PCDH15: variants seen among roughly 807,000 people sequenced by gnomAD.
PCDH15 encodes the protein protocadherin-15.
PCDH15 carries 129 observed loss-of-function variants against 178.5 expected under a neutral mutation model. The observed-to-expected ratio is 0.72, with a 90% CI of 0.63 to 0.84. The LOEUF (loss-of-function observed/expected upper bound fraction) is 0.84. Ranked by LOEUF, PCDH15 falls within the 40% of genes least tolerant of loss-of-function variation. The pLI, the probability that PCDH15 is intolerant of heterozygous loss-of-function variation, is 0.00. For synonymous variants in PCDH15, 800 were observed against 732.0 expected (o/e 1.09, Z -1.50); for missense variants, 2,230 against 2,099.9 (o/e 1.06, Z -1.21).
intron 2 of PCDH15, among the ~76,000 whole-genome samples, chr10:55,468,057 T>C (rs999094492): frequency 6.8e-6 from 1 of 147,506 alleles, no homozygotes; most frequent in Non-Finnish European, 1.5e-5. Context: ...ACTGAGAGAA[T>C]CATATCCTCA....
chr10:55,544,056 G>A (rs1358637379), intron 2 of PCDH15, among the ~76,000 whole-genome samples: 5 of 147,200 alleles, frequency 3.4e-5, no homozygotes, highest in Admixed American at 2.1e-4. Flanking sequence ...CTGATTAAAC[G>A]CCATTTATTC....
intron 2 of PCDH15, among the ~76,000 whole-genome samples, chr10:55,372,450 C>T (rs1198954126): frequency 6.6e-6 from 1 of 151,952 alleles, no homozygotes; most frequent in Admixed American, 6.6e-5. Context: ...AATCAAAAAA[C>T]CAAAGGATAT....
chr10:54,350,090 T>C (rs1185775693), intron 5 of PCDH15, among the ~76,000 whole-genome samples: 2 of 152,226 alleles, frequency 1.3e-5, no homozygotes, highest in African/African-American at 4.8e-5. Flanking sequence ...ATATAAAGGT[T>C]ATGAATCATC....
chr10:54,430,738 C>T (rs1347724832), intron 3 of PCDH15, among the ~76,000 whole-genome samples: 1 of 151,376 alleles, frequency 6.6e-6, no homozygotes, highest in African/African-American at 2.4e-5. Flanking sequence ...CGCAAAATTA[C>T]TTGTAGAAGA....
intron 2 of PCDH15, among the ~76,000 whole-genome samples, chr10:54,562,950 T>C (rs1049947799): frequency 1.3e-5 from 2 of 152,162 alleles, no homozygotes; most frequent in African/African-American, 2.4e-5. Context: ...TGAACTCTAA[T>C]GTTTGTTGGA....
At chr10:54,595,099 G>T (rs1178203846) in intron 2 of PCDH15, among the ~76,000 whole-genome samples, 1 of 152,172 alleles carries the variant, frequency 6.6e-6, no homozygotes, top group Non-Finnish European at 1.5e-5. Context: ...CCCACATGGA[G>T]GCTGTCATCT....
At chr10:54,330,780 C>A (rs1393080567) in intron 6 of PCDH15, among the ~76,000 whole-genome samples, 1 of 151,816 alleles carries the variant, frequency 6.6e-6, no homozygotes, top group African/African-American at 2.4e-5. Flanking sequence ...TTAAGAAGAC[C>A]TTATGTCACT....
At chr10:54,260,515 A>G (rs2057237583) in intron 8 of PCDH15, among the ~76,000 whole-genome samples, 2 of 151,846 alleles carry the variant, frequency 1.3e-5, no homozygotes. Context: ...AATGATTTAT[A>G]TAGTCTTTAA....
chr10:54,226,149 G>GA (rs1224740391), intron 9 of PCDH15, among the ~76,000 whole-genome samples: 9 of 152,132 alleles, frequency 5.9e-5, no homozygotes, highest in Non-Finnish European at 1.3e-4. Context: ...ATTTACAAAG[G>GA]AAAAAGGTTT....
chr10:53,969,265 A>C (rs1323981382), intron 21 of PCDH15, among the ~76,000 whole-genome samples: 2 of 152,206 alleles, frequency 1.3e-5, no homozygotes, highest in Admixed American at 1.3e-4. Flanking sequence ...TCAGTGATTG[A>C]AGATCAAATG....
chr10:55,244,160 T>A (rs1841628208), intron 1 of PCDH15, among the ~76,000 whole-genome samples: 2 of 152,054 alleles, frequency 1.3e-5, no homozygotes, highest in African/African-American at 4.8e-5. Flanking sequence ...AATCTCATAG[T>A]TCGAAATGAA....
intron 3 of PCDH15, among the ~76,000 whole-genome samples, chr10:54,406,936 T>C (rs1952760363): frequency 6.6e-6 from 1 of 152,138 alleles, no homozygotes; most frequent in Non-Finnish European, 1.5e-5. Context: ...AAAAGATACC[T>C]CTACATTAAT....
intron 25 of PCDH15, among the ~76,000 whole-genome samples, chr10:53,924,895 A>G: frequency 6.6e-6 from 1 of 152,192 alleles, no homozygotes; most frequent in East Asian, 1.9e-4. Flanking sequence ...AGGTTTGTAA[A>G]TGCACCAATC....
chr10:54,392,577 C>T (rs371901541), intron 3 of PCDH15, among the ~76,000 whole-genome samples: 3 of 147,516 alleles, frequency 2.0e-5, no homozygotes, highest in Admixed American at 6.9e-5. Flanking sequence ...GTATTTATAA[C>T]GTTACATAAT....
At chr10:55,029,644 T>C (rs1469395673) in intron 2 of PCDH15, among the ~76,000 whole-genome samples, 2 of 152,122 alleles carry the variant, frequency 1.3e-5, no homozygotes, top group Non-Finnish European at 2.9e-5. Flanking sequence ...CACCCTAATG[T>C]GGTCTTGGTC....
chr10:55,369,389 T>C (rs1845442777), intron 2 of PCDH15, among the ~76,000 whole-genome samples: 1 of 151,876 alleles, frequency 6.6e-6, no homozygotes, highest in Non-Finnish European at 1.5e-5. Flanking sequence ...ATCAACAAAG[T>C]GTATATTGAG....
intron 15 of PCDH15, among the ~76,000 whole-genome samples, chr10:54,128,825 G>A (rs750611763): frequency 1.4e-4 from 22 of 152,156 alleles, no homozygotes; most frequent in Non-Finnish European, 2.5e-4. Context: ...TCTCTAAAGT[G>A]TTTCTTCATA....
intron 2 of PCDH15, among the ~76,000 whole-genome samples, chr10:54,529,365 C>G (rs1356419540): frequency 6.6e-6 from 1 of 152,054 alleles, no homozygotes; most frequent in Non-Finnish European, 1.5e-5. Flanking sequence ...ATTTAGTTTC[C>G]TCGCTGATCT....
chr10:54,817,658 A>G (rs889521442), intron 3 of PCDH15, among the ~76,000 whole-genome samples: 1 of 152,028 alleles, frequency 6.6e-6, no homozygotes, highest in Non-Finnish European at 1.5e-5. Context: ...CATTAAAATA[A>G]TCTTACAAAG....
Sources: allele counts gnomAD v4.1 joint callset (sites outside exome capture counted in the v4.1 genomes callset), GRCh38; gene constraint gnomAD v4.1.1; transcripts MANE v1.5; gene names NCBI Gene and HGNC (gene_info 2026-07-23, HGNC 2026-07-21).